Variants in GIPC2 observed in about 807,000 individuals in gnomAD.
GIPC2 encodes GIPC PDZ domain containing family member 2.
GIPC2 carries 30 observed loss-of-function variants against 30.6 expected under a neutral mutation model. That is an observed-to-expected ratio of 0.98 (90% CI 0.73 to 1.33). The LOEUF (loss-of-function observed/expected upper bound fraction) is 1.33, where lower values mean the gene tolerates loss of function less well. Ranked by LOEUF, GIPC2 falls within the 40% of genes most tolerant of loss-of-function variation. The pLI is 0.00. For synonymous variants in GIPC2, 167 were observed against 150.0 expected (o/e 1.11, Z -0.83); for missense variants, 414 against 390.3 (o/e 1.06, Z -0.51).
intron 1 of GIPC2, among the ~76,000 whole-genome samples, chr1:78,074,461 G>A (rs1049490002): frequency 1.3e-5 from 2 of 152,112 alleles, no homozygotes; most frequent in Non-Finnish European, 1.5e-5. Flanking sequence ...GACCTTAAGC[G>A]ATCCTCCCAC....
intron 3 of GIPC2, among the ~76,000 whole-genome samples, chr1:78,101,034 A>G (rs1242024620): frequency 6.6e-6 from 1 of 151,408 alleles, no homozygotes; most frequent in Non-Finnish European, 1.5e-5. Context: ...AATGAGATTT[A>G]TGAGTAATTT....
At chr1:78,064,715 C>T (rs1303385707) in intron 1 of GIPC2, among the ~76,000 whole-genome samples, 2 of 148,696 alleles carry the variant, frequency 1.3e-5, no homozygotes, top group Non-Finnish European at 3.0e-5. Flanking sequence ...GGTTGGAGTG[C>T]AGTGGTACAA....
chr1:78,124,254 T>A (rs144747954), intron 4 of GIPC2, among the ~76,000 whole-genome samples: 1 of 152,148 alleles, frequency 6.6e-6, no homozygotes, highest in Non-Finnish European at 1.5e-5. Context: ...TGTTTAGTAA[T>A]CATTTCGGGA....
upstream of GIPC2, among the ~76,000 whole-genome samples, chr1:78,045,279 G>A (rs1661047385): frequency 6.6e-6 from 1 of 152,130 alleles, no homozygotes; most frequent in Non-Finnish European, 1.5e-5. Context: ...GTTTTGCTTT[G>A]TTGTAAAAAG....
chr1:78,059,479 A>G (rs1306037751), intron 1 of GIPC2, among the ~76,000 whole-genome samples: 2 of 152,234 alleles, frequency 1.3e-5, no homozygotes, highest in African/African-American at 4.8e-5. Context: ...TGGCACATAC[A>G]TGCCTGTAAT....
chr1:78,088,065 C>T (rs1323234707), intron 2 of GIPC2, among the ~76,000 whole-genome samples: 1 of 133,776 alleles, frequency 7.5e-6, no homozygotes, highest in African/African-American at 2.9e-5. Context: ...CATCTCACAC[C>T]AGTCAGAATG....
chr1:78,119,210 T>C (rs754736613), intron 3 of GIPC2, among the ~76,000 whole-genome samples, 183 bp from the exon 4 acceptor site: 4 of 152,248 alleles, frequency 2.6e-5, no homozygotes, highest in African/African-American at 4.8e-5. Flanking sequence ...GACTCTCTTA[T>C]AAGAATAATG....
At chr1:78,131,359 C>T (rs979099023) in intron 5 of GIPC2, among the ~76,000 whole-genome samples, 2 of 152,044 alleles carry the variant, frequency 1.3e-5, no homozygotes, top group Admixed American at 1.3e-4. Context: ...CAGGCGCTTG[C>T]CACCACGACC....
chr1:78,111,589 A>G (rs1662466897), intron 3 of GIPC2, among the ~76,000 whole-genome samples: 1 of 152,204 alleles, frequency 6.6e-6, no homozygotes. Context: ...TTCATTTTTT[A>G]GAGAGAAAAT....
At chr1:78,114,496 T>C (rs1335386222) in intron 3 of GIPC2, among the ~76,000 whole-genome samples, 2 of 152,184 alleles carry the variant, frequency 1.3e-5, no homozygotes, top group Non-Finnish European at 2.9e-5. Flanking sequence ...GATCATAGGC[T>C]CATAGACAAA....
chr1:78,100,377 A>C (rs908664749), intron 3 of GIPC2, among the ~76,000 whole-genome samples: 2 of 152,060 alleles, frequency 1.3e-5, no homozygotes, highest in African/African-American at 4.8e-5. Flanking sequence ...TAGTGCAGAG[A>C]GCTGATTGTT....
chr1:78,051,057 T>C (rs1208544383), intron 1 of GIPC2, among the ~76,000 whole-genome samples: 1 of 152,136 alleles, frequency 6.6e-6, no homozygotes, highest in Non-Finnish European at 1.5e-5. Context: ...GTTTTTACCA[T>C]GATATATTTT....
chr1:78,062,740 C>T (rs2102642469), intron 1 of GIPC2, among the ~76,000 whole-genome samples: 1 of 151,986 alleles, frequency 6.6e-6, no homozygotes, highest in East Asian at 1.9e-4. Flanking sequence ...TCTCGAACTC[C>T]TGAGCTCAGG....
In GIPC2 at chr1:78,119,386, A is replaced by G. The variant is rs773156400; in HGVS notation, c.608-7A>G. On this transcript the variant is annotated splice_region_variant and splice_polypyrimidine_tract_variant and intron_variant, in intron 3 of 5. Coordinates refer to ENST00000370759, the MANE Select transcript of GIPC2 (RefSeq NM_017655.6). ...ATATGTATGTTTCCCTGTTCATTGT[A>G]TTGTAGAAATAGAGCTGAGGTCAAA... is the stretch of plus-strand genomic sequence containing the variant. 2.0e-6 allele frequency: 3 copies of G among 1,509,962 alleles called. No homozygotes were observed. The highest frequency in any genetic ancestry group is 1.8e-6 in the Non-Finnish European group (2 of 1,085,962). The allele number at this position is 1,509,962 out of a possible 1,614,324, so 93.5% of individuals were successfully genotyped here.
intron 1 of GIPC2, among the ~76,000 whole-genome samples, chr1:78,072,644 A>ATTAGATT (rs1470089520): frequency 6.6e-6 from 1 of 152,126 alleles, no homozygotes; most frequent in African/African-American, 2.4e-5. Context: ...TGGAGGTCAA[A>ATTAGATT]TAATTATTAT....
At chr1:78,080,528 C>T (rs1661804397) in intron 1 of GIPC2, 147 bp from the exon 2 acceptor site, 1 of 536,950 alleles carries the variant, frequency 1.9e-6, no homozygotes, top group Non-Finnish European at 3.3e-6. Context: ...CCCAGAATCT[C>T]TCTAGCCAAC....
chr1:78,135,781 CTTT>C lies in GIPC2; in HGVS notation c.*44_*46del. The C allele has an allele frequency of 6.5e-7, 1 of 1,539,486 alleles. No individual in the cohort carries two copies. Among genetic ancestry groups the C allele is most frequent in the Non-Finnish European group, 8.8e-7 (1 of 1,140,598 alleles). Reference sequence around the variant, plus strand: ...ATCTCTGAAGAAACAACCCATCGTTCTTTTTTTTCTCTTTTTTAAAAAGTCCTA... The same window carrying C: ...ATCTCTGAAGAAACAACCCATCGTTCTTTTTCTCTTTTTTAAAAAGTCCTA... On this transcript the variant is annotated 3_prime_UTR_variant, in exon 6 of 6. Transcript: ENST00000370759.
intron 3 of GIPC2, among the ~76,000 whole-genome samples, chr1:78,115,553 T>C (rs1161687035): frequency 6.6e-6 from 1 of 152,222 alleles, no homozygotes; most frequent in East Asian, 1.9e-4. Flanking sequence ...ACAGTGCTGA[T>C]GATAGGTCAA....
intron 4 of GIPC2, 94 bp downstream of exon 4, chr1:78,119,593 C>G (rs1428721610): frequency 5.5e-6 from 4 of 728,002 alleles, no homozygotes; most frequent in Non-Finnish European, 9.6e-6. Flanking sequence ...TTTTAATTCA[C>G]TGTCTATTTA....
Sources: allele counts gnomAD v4.1 joint callset (sites outside exome capture counted in the v4.1 genomes callset), GRCh38; gene constraint gnomAD v4.1.1; transcripts MANE v1.5; gene names NCBI Gene and HGNC (gene_info 2026-07-23, HGNC 2026-07-21).